Variants in PAK3 observed in about 807,000 individuals in gnomAD.
PAK3 encodes the protein serine/threonine-protein kinase PAK 3.
Under a neutral mutation model 41.0 loss-of-function variants are expected in PAK3, and 4 were observed. The observed-to-expected ratio is 0.10, with a 90% CI of 0.05 to 0.22. PAK3 has a LOEUF of 0.22. Ranked by LOEUF, PAK3 falls within the 10% of genes least tolerant of loss-of-function variation. The pLI, the probability that PAK3 is intolerant of heterozygous loss-of-function variation, is 1.00. For synonymous variants in PAK3, 146 were observed against 139.6 expected (o/e 1.05, Z -0.32); for missense variants, 205 against 409.9 (o/e 0.50, Z 4.32).
At chrX:111,126,898 A>C (rs1243504775) in intron 5 of PAK3, among the ~76,000 whole-genome samples, 1 of 111,288 alleles carries the variant, frequency 9.0e-6, no homozygotes, top group Non-Finnish European at 1.9e-5. Context: ...GAGGTAACTA[A>C]GTTGGTATTT....
At chrX:111,186,640 C>A (rs1421156073) in intron 11 of PAK3, among the ~76,000 whole-genome samples, 1 of 111,478 alleles carries the variant, frequency 9.0e-6, no homozygotes, top group Non-Finnish European at 1.9e-5. Context: ...AGAGAGGACA[C>A]AAACAAATGG....
intron 1 of PAK3, among the ~76,000 whole-genome samples, chrX:111,037,914 T>C (rs2092415932): frequency 9.0e-6 from 1 of 111,500 alleles, no homozygotes; most frequent in African/African-American, 3.3e-5. Flanking sequence ...GTGAATATTA[T>C]GGAGAGGCTT....
At chrX:110,944,855 C>T (rs991016135) in intron 1 of PAK3, among the ~76,000 whole-genome samples, 1 of 111,980 alleles carries the variant, frequency 8.9e-6, no homozygotes. Context: ...CGGACTCCTG[C>T]CCCCGCCCAC....
chrX:111,185,422 G>C (rs1196447463), intron 11 of PAK3, among the ~76,000 whole-genome samples: 1 of 111,201 alleles, frequency 9.0e-6, no homozygotes, highest in African/African-American at 3.3e-5. Flanking sequence ...TGTTAATTTT[G>C]GCTTTTGCTT....
intron 1 of PAK3, among the ~76,000 whole-genome samples, chrX:111,038,047 T>C (rs1407050043): frequency 1.8e-5 from 2 of 111,740 alleles, no homozygotes; most frequent in Non-Finnish European, 3.8e-5. Flanking sequence ...CTTCAACCTT[T>C]ATATATGTGA....
At chrX:110,975,652 C>G (rs1472998327) in intron 1 of PAK3, among the ~76,000 whole-genome samples, 3 of 111,598 alleles carry the variant, frequency 2.7e-5, no homozygotes, top group Non-Finnish European at 5.6e-5. Flanking sequence ...ATGTTGCCAA[C>G]ACAATTCTAG....
intron 1 of PAK3, among the ~76,000 whole-genome samples, chrX:111,077,306 A>T (rs940767061): frequency 1.8e-5 from 2 of 112,149 alleles, no homozygotes; most frequent in African/African-American, 6.5e-5. Flanking sequence ...ATAGAAAAAC[A>T]ATCCTAATAT....
At chrX:111,120,595 G>A (rs972477918) in intron 4 of PAK3, among the ~76,000 whole-genome samples, 2 of 111,699 alleles carry the variant, frequency 1.8e-5, no homozygotes, top group Non-Finnish European at 3.8e-5. Context: ...TAAAGAGGTC[G>A]TGTGGCGTGT....
At chrX:111,032,264 C>G (rs2092348850) in intron 1 of PAK3, among the ~76,000 whole-genome samples, 1 of 112,013 alleles carries the variant, frequency 8.9e-6, no homozygotes, top group African/African-American at 3.2e-5. Context: ...CATTCAGAAA[C>G]TTTCCCAAGC....
At chrX:111,130,734 A>G (rs2093705828) in intron 5 of PAK3, among the ~76,000 whole-genome samples, 2 of 112,264 alleles carry the variant, frequency 1.8e-5, no homozygotes, top group South Asian at 7.5e-4. Flanking sequence ...TCATAAGATG[A>G]AAGTGCTAGG....
chrX:110,945,117 T>C (rs1027821034), intron 1 of PAK3, among the ~76,000 whole-genome samples: 2 of 111,477 alleles, frequency 1.8e-5, no homozygotes, highest in Non-Finnish European at 1.9e-5. Context: ...TGAGAGAATG[T>C]GAGAGGACAC....
At chrX:111,120,259 T>C (rs771703169) in intron 4 of PAK3, among the ~76,000 whole-genome samples, 1 of 112,253 alleles carries the variant, frequency 8.9e-6, no homozygotes, top group African/African-American at 3.2e-5. Flanking sequence ...AAATGTGTGT[T>C]ATTGAATTTT....
intron 4 of PAK3, among the ~76,000 whole-genome samples, chrX:111,108,886 G>A (rs1019859404): frequency 2.7e-5 from 3 of 112,173 alleles, no homozygotes; most frequent in East Asian, 2.8e-4. Flanking sequence ...GAAGCACTGA[G>A]AAAACCCATT....
rs767886362 is a variant in PAK3 at position 111,104,398 on chromosome X, C to A, written c.-28+1092C>A. On this transcript the variant is annotated intron_variant, in intron 4 of 17. Transcript: ENST00000372007. Reference sequence around the variant, plus strand: ...GTAGTTCCCTTTCACACTGAGCATACAATGCGCCTACAGACAAGGTAAAAC... The same window carrying A: ...GTAGTTCCCTTTCACACTGAGCATAAAATGCGCCTACAGACAAGGTAAAAC... Among the ~76,000 whole-genome samples, 4 of 111,664 alleles carry A rather than the reference C, an allele frequency of 3.6e-5. No homozygotes were observed. The South Asian group carries it at 1.5e-3, about 42-fold the overall frequency.
intron 8 of PAK3, among the ~76,000 whole-genome samples, chrX:111,154,069 G>A (rs1479991771): frequency 2.7e-5 from 3 of 111,907 alleles, no homozygotes; most frequent in African/African-American, 6.5e-5. Context: ...ATGATTCCAC[G>A]TATGTGAGGT....
chrX:111,038,277 AC>A (rs1157958078), intron 1 of PAK3, among the ~76,000 whole-genome samples: 1 of 112,307 alleles, frequency 8.9e-6, no homozygotes, highest in Non-Finnish European at 1.9e-5. Context: ...TGAAGTCCCA[AC>A]AAATAGATTC....
At chrX:111,175,617 G>A (rs1178853195) in intron 11 of PAK3, among the ~76,000 whole-genome samples, 1 of 110,670 alleles carries the variant, frequency 9.0e-6, no homozygotes, top group African/African-American at 3.3e-5. Flanking sequence ...TTATAATTTT[G>A]TCTTGATTGT....
At chrX:111,061,685 A>T (rs1383169378) in intron 1 of PAK3, among the ~76,000 whole-genome samples, 2 of 111,324 alleles carry the variant, frequency 1.8e-5, no homozygotes, top group Non-Finnish European at 3.8e-5. Context: ...TTTTGGTCAG[A>T]TTTATTCCTA....
intron 8 of PAK3, among the ~76,000 whole-genome samples, chrX:111,161,469 A>C (rs1479520168): frequency 2.7e-5 from 3 of 110,611 alleles, no homozygotes; most frequent in Admixed American, 9.6e-5. Flanking sequence ...TCTTTAGTTT[A>C]ATTAGATCCC....
Sources: allele counts gnomAD v4.1 joint callset (sites outside exome capture counted in the v4.1 genomes callset), GRCh38; gene constraint gnomAD v4.1.1; transcripts MANE v1.5; gene names NCBI Gene and HGNC (gene_info 2026-07-23, HGNC 2026-07-21).